Variants in SLC4A4 observed in about 807,000 individuals in gnomAD.
The protein encoded by SLC4A4 is electrogenic sodium bicarbonate cotransporter 1.
A neutral mutation model predicts 111.5 loss-of-function variants in SLC4A4; 27 were observed. That is an observed-to-expected ratio of 0.24 (90% CI 0.18 to 0.33). The LOEUF (loss-of-function observed/expected upper bound fraction) is 0.33, where lower values mean the gene tolerates loss of function less well. Among genes scored for constraint, SLC4A4 ranks in the 10% least tolerant of loss-of-function variants. The probability of loss-of-function intolerance (pLI) is 1.00; values close to 1 mark genes in which losing one functional copy is unlikely to be tolerated. For synonymous variants in SLC4A4, 443 were observed against 463.4 expected, an observed-to-expected ratio of 0.96 and a Z score of 0.57; for missense variants, 909 against 1,315.5, an observed-to-expected ratio of 0.69 and a Z score of 4.78.
chr4:71,335,863 T>A (rs1020524315), intron 3 of SLC4A4, among the ~76,000 whole-genome samples: 1 of 152,136 alleles, frequency 6.6e-6, no homozygotes, highest in Non-Finnish European at 1.5e-5. Context: ...GTAAAACATA[T>A]TCATTGTACC....
chr4:71,242,790 T>TGGTGGAACTGG (rs1298125273), intron 2 of SLC4A4, among the ~76,000 whole-genome samples: 2 of 152,084 alleles, frequency 1.3e-5, no homozygotes, highest in African/African-American at 4.8e-5. Context: ...TATTATAATC[T>TGGTGGAACTGG]TTTCTACAAA....
chr4:71,133,282 C>T (rs191964732), intron 2 of SLC4A4, among the ~76,000 whole-genome samples: 2 of 152,228 alleles, frequency 1.3e-5, no homozygotes, highest in East Asian at 1.9e-4. Flanking sequence ...TAAGCTTTAC[C>T]GTATGTTTTA....
At chr4:71,493,124 T>G (rs1730087064) in intron 15 of SLC4A4, among the ~76,000 whole-genome samples, 2 of 151,956 alleles carry the variant, frequency 1.3e-5, no homozygotes, top group African/African-American at 4.8e-5. Flanking sequence ...ACTCAAAATA[T>G]TCTATATCTA....
chr4:71,075,827 G>A (rs1252952969), intron 1 of SLC4A4, among the ~76,000 whole-genome samples: 2 of 152,118 alleles, frequency 1.3e-5, no homozygotes, highest in East Asian at 1.9e-4. Context: ...AGCCAGGCAT[G>A]GTGGTGGGCG....
At chr4:71,094,248 T>C (rs1742477855) in intron 2 of SLC4A4, among the ~76,000 whole-genome samples, 1 of 152,200 alleles carries the variant, frequency 6.6e-6, no homozygotes, top group Admixed American at 6.5e-5. Flanking sequence ...TTCATCAGGG[T>C]GTCTTGTCCT....
intron 2 of SLC4A4, among the ~76,000 whole-genome samples, chr4:71,138,292 T>A (rs1437796059): frequency 1.3e-5 from 2 of 152,196 alleles, no homozygotes; most frequent in Non-Finnish European, 2.9e-5. Flanking sequence ...CAATTTTTTT[T>A]AATATTAGTT....
At position 71,068,530 on chromosome 4, in the gene SLC4A4, A is replaced by T. The variant is rs541127219; in HGVS notation, c.-65+5742A>T. Among the ~76,000 whole-genome samples, 32 of 150,640 alleles carry T rather than the reference A, an allele frequency of 2.1e-4. 1 individual carries two copies. Among genetic ancestry groups the T allele is most frequent in the Non-Finnish European group, 3.4e-4 (23 of 67,674 alleles). On this transcript the variant is annotated intron_variant, in intron 1 of 26. Transcript: ENST00000649996. ...ACTAGTCTGATTTTCATCACCATAC[A>T]TTAGTTTTGTCAGGGCAACCTTTTT... is the stretch of plus-strand genomic sequence containing the variant.
At chr4:71,399,327 G>A (rs1365919352) in intron 7 of SLC4A4, among the ~76,000 whole-genome samples, 1 of 151,956 alleles carries the variant, frequency 6.6e-6, no homozygotes, top group Non-Finnish European at 1.5e-5. Flanking sequence ...TCATGATGGT[G>A]TTCCTCTTTA....
chr4:71,358,608 A>C (rs1730492624), intron 6 of SLC4A4, among the ~76,000 whole-genome samples: 1 of 152,156 alleles, frequency 6.6e-6, no homozygotes, highest in Non-Finnish European at 1.5e-5. Context: ...CACAAAAGAG[A>C]ATTGAATCTG....
intron 14 of SLC4A4, chr4:71,473,243 A>T (rs570968699): frequency 3.2e-6 from 2 of 620,732 alleles, no homozygotes; most frequent in Admixed American, 5.3e-5. Flanking sequence ...CAAGGAATTC[A>T]TGTGTACATT....
In SLC4A4 at chr4:71,377,056, G is replaced by A. The variant is rs149217482; in HGVS notation, c.730+19869G>A. On this transcript the variant is annotated intron_variant, in intron 6 of 25. Transcript: ENST00000264485. ...TAAGATATACGACTTATGTTAACACGCAATGGTTTATTGTTAAAGTGAATT... is the reference window on the plus strand; with the variant it reads ...TAAGATATACGACTTATGTTAACACACAATGGTTTATTGTTAAAGTGAATT... Among the ~76,000 whole-genome samples, 441 of 152,182 alleles carry A rather than the reference G, an allele frequency of 2.9e-3. 4 individuals carry two copies. The highest frequency in any genetic ancestry group is 3.0e-3 in the Non-Finnish European group (207 of 68,002).
chr4:71,419,184 T>A (rs997546986), intron 7 of SLC4A4, among the ~76,000 whole-genome samples: 1 of 152,200 alleles, frequency 6.6e-6, no homozygotes, highest in Non-Finnish European at 1.5e-5. Context: ...CGTTCTCAGA[T>A]CTCCAGCTGC....
intron 6 of SLC4A4, among the ~76,000 whole-genome samples, chr4:71,364,397 A>C (rs1436823083): frequency 6.6e-6 from 1 of 152,216 alleles, no homozygotes; most frequent in Non-Finnish European, 1.5e-5. Context: ...GTGAGATACC[A>C]TTGTGCTTTG....
At chr4:71,522,303 G>C (rs1275456995) in intron 16 of SLC4A4, among the ~76,000 whole-genome samples, 1 of 152,096 alleles carries the variant, frequency 6.6e-6, no homozygotes, top group East Asian at 1.9e-4. Context: ...ATTTTCTGTG[G>C]CAGGTGGCTC....
chr4:71,277,854 A>G (rs1310768697), intron 3 of SLC4A4, among the ~76,000 whole-genome samples: 4 of 152,190 alleles, frequency 2.6e-5, no homozygotes, highest in South Asian at 4.1e-4. Flanking sequence ...AAGGTGTACA[A>G]TGTAATGATT....
In SLC4A4 at chr4:71,425,240, C is replaced by G. The variant is rs1723012456; in HGVS notation, c.808-15376C>G. Among the ~76,000 whole-genome samples, 3 of 152,188 alleles carry G rather than the reference C, an allele frequency of 2.0e-5. No homozygotes were observed. The South Asian group carries it at 6.2e-4, about 32-fold the overall frequency. ...AATGTGTACACAGAGAAACAAAGGC[C>G]AAGGAACCCTTTATTGTTGGCTGAG... On this transcript the variant is annotated intron_variant, in intron 7 of 25. Coordinates refer to ENST00000264485, the MANE Select transcript of SLC4A4 (RefSeq NM_001098484.3).
At chr4:71,192,721 A>C (rs1745787160) in intron 1 of SLC4A4, among the ~76,000 whole-genome samples, 1 of 152,114 alleles carries the variant, frequency 6.6e-6, no homozygotes, top group Non-Finnish European at 1.5e-5. Context: ...ATGGTCAGAA[A>C]ATTGTATGTC....
chr4:71,270,373 A>G (rs1722620136), intron 3 of SLC4A4, among the ~76,000 whole-genome samples: 1 of 152,192 alleles, frequency 6.6e-6, no homozygotes, highest in Admixed American at 6.5e-5. Context: ...TACAGGCATG[A>G]GCCACCGTGC....
At chr4:71,180,165 A>T (rs376428611) in intron 2 of SLC4A4, among the ~76,000 whole-genome samples, 17 of 152,148 alleles carry the variant, frequency 1.1e-4, no homozygotes, top group Admixed American at 2.6e-4. Flanking sequence ...AAGCTGAAAC[A>T]GGATCCCTTC....
Sources: allele counts gnomAD v4.1 joint callset (sites outside exome capture counted in the v4.1 genomes callset), GRCh38; gene constraint gnomAD v4.1.1; transcripts MANE v1.5; gene names NCBI Gene and HGNC (gene_info 2026-07-23, HGNC 2026-07-21).